DSCAM: variants seen among roughly 807,000 people sequenced by gnomAD.
DSCAM encodes cell adhesion molecule DSCAM.
A neutral mutation model predicts 217.7 loss-of-function variants in DSCAM; 47 were observed. That is an observed-to-expected ratio of 0.22 (90% CI 0.17 to 0.28). DSCAM has a LOEUF of 0.28. Among genes scored for constraint, DSCAM ranks in the 10% least tolerant of loss-of-function variants. DSCAM has a pLI of 1.00. For synonymous variants in DSCAM, 1,056 were observed against 1,015.3 expected, an observed-to-expected ratio of 1.04 and a Z score of -0.76; for missense variants, 2,080 against 2,618.3, an observed-to-expected ratio of 0.79 and a Z score of 4.49.
intron 3 of DSCAM, among the ~76,000 whole-genome samples, chr21:40,440,790 A>T (rs892814510): frequency 4.8e-4 from 72 of 150,460 alleles, no homozygotes; most frequent in Non-Finnish European, 5.2e-4. Flanking sequence ...GGGCTACCCC[A>T]TATGACAGGA....
chr21:40,168,042 CAG>C (rs2090616463), intron 15 of DSCAM, among the ~76,000 whole-genome samples: 1 of 152,170 alleles, frequency 6.6e-6, no homozygotes, highest in East Asian at 1.9e-4. Flanking sequence ...GCCTGGGCGA[CAG>C]AGTGAGACTC....
At chr21:40,490,597 C>T (rs1343611253) in intron 3 of DSCAM, among the ~76,000 whole-genome samples, 1 of 152,174 alleles carries the variant, frequency 6.6e-6, no homozygotes, top group Non-Finnish European at 1.5e-5. Context: ...TGAGAGAGGT[C>T]TGGCTGGAGT....
At chr21:40,109,215 A>C (rs1227734536) in intron 20 of DSCAM, among the ~76,000 whole-genome samples, 1 of 152,248 alleles carries the variant, frequency 6.6e-6, no homozygotes, top group Non-Finnish European at 1.5e-5. Context: ...TAAACAGCTG[A>C]CAGAATGGGA....
At chr21:40,702,983 T>C (rs2090673835) in intron 2 of DSCAM, among the ~76,000 whole-genome samples, 1 of 152,228 alleles carries the variant, frequency 6.6e-6, no homozygotes, top group Non-Finnish European at 1.5e-5. Context: ...TAAGACATTG[T>C]TACTATTTTT....
chr21:40,812,754 G>C (rs751720724), intron 1 of DSCAM, among the ~76,000 whole-genome samples: 7 of 152,204 alleles, frequency 4.6e-5, no homozygotes, highest in African/African-American at 1.4e-4. Flanking sequence ...AGATAGAGGA[G>C]AGCCTTGGTT....
chr21:40,074,936 G>T, intron 27 of DSCAM, 101 bp downstream of exon 27: 1 of 1,268,388 alleles, frequency 7.9e-7, no homozygotes, highest in Non-Finnish European at 1.1e-6. Context: ...AAAGAGGGAA[G>T]AGTCACTCCC....
chr21:40,060,368 T>A (rs1470779634), intron 28 of DSCAM, among the ~76,000 whole-genome samples: 1 of 152,194 alleles, frequency 6.6e-6, no homozygotes, highest in Non-Finnish European at 1.5e-5. Context: ...AAGCAAATCA[T>A]CCTAATTGAG....
At chr21:40,013,826 T>C (rs1032823543) in intron 32 of DSCAM, among the ~76,000 whole-genome samples, 10 of 152,184 alleles carry the variant, frequency 6.6e-5, no homozygotes, top group Non-Finnish European at 1.3e-4. Context: ...GACAGCTGGC[T>C]CTCGTCCTGG....
At chr21:40,684,806 T>G (rs983422760) in intron 3 of DSCAM, among the ~76,000 whole-genome samples, 1 of 152,236 alleles carries the variant, frequency 6.6e-6, no homozygotes, top group African/African-American at 2.4e-5. Context: ...GATCCTGTTA[T>G]TCTCTTGAAT....
chr21:40,023,153 G>A (rs1325324153), intron 32 of DSCAM, among the ~76,000 whole-genome samples: 2 of 151,702 alleles, frequency 1.3e-5, no homozygotes, highest in Admixed American at 6.6e-5. Flanking sequence ...ATAGTTTACT[G>A]AGAATGATGA....
chr21:40,499,159 A>C (rs1389405985), intron 3 of DSCAM, among the ~76,000 whole-genome samples: 1 of 152,172 alleles, frequency 6.6e-6, no homozygotes, highest in Non-Finnish European at 1.5e-5. Flanking sequence ...AAATAAGTGT[A>C]TGAATACTTG....
At chr21:40,579,375 G>A (rs1376766065) in intron 3 of DSCAM, among the ~76,000 whole-genome samples, 1 of 152,126 alleles carries the variant, frequency 6.6e-6, no homozygotes, top group Non-Finnish European at 1.5e-5. Flanking sequence ...ATAACACAGA[G>A]GGGTAGAGGT....
At chr21:40,300,437 G>A (rs1268297865) in intron 9 of DSCAM, among the ~76,000 whole-genome samples, 1 of 152,198 alleles carries the variant, frequency 6.6e-6, no homozygotes, top group East Asian at 1.9e-4. Context: ...CTGGTTATGT[G>A]GGAAAGGGGC....
At chr21:40,769,435 G>T (rs1430371335) in intron 1 of DSCAM, among the ~76,000 whole-genome samples, 1 of 152,112 alleles carries the variant, frequency 6.6e-6, no homozygotes, top group African/African-American at 2.4e-5. Flanking sequence ...GACACAGGTG[G>T]GTGGAGAAGT....
chr21:40,598,355 T>C (rs1239295733), intron 3 of DSCAM, among the ~76,000 whole-genome samples: 2 of 152,230 alleles, frequency 1.3e-5, no homozygotes, highest in Admixed American at 1.3e-4. Flanking sequence ...CGGTTGATTT[T>C]AGTTCGGTTG....
intron 1 of DSCAM, among the ~76,000 whole-genome samples, chr21:40,729,444 T>G (rs2090990636): frequency 6.6e-6 from 1 of 152,204 alleles, no homozygotes; most frequent in East Asian, 1.9e-4. Flanking sequence ...TTGCTGCAGA[T>G]TATTTAAAAT....
At chr21:40,609,395 G>A (rs964330015) in intron 3 of DSCAM, among the ~76,000 whole-genome samples, 2 of 152,166 alleles carry the variant, frequency 1.3e-5, no homozygotes, top group African/African-American at 2.4e-5. Flanking sequence ...AATTTGTACT[G>A]GAGCAAGATA....
intron 3 of DSCAM, among the ~76,000 whole-genome samples, chr21:40,454,702 G>T (rs1452324638): frequency 1.3e-5 from 2 of 152,180 alleles, no homozygotes; most frequent in Non-Finnish European, 2.9e-5. Flanking sequence ...CCACAAGAAG[G>T]TCTCTGCAGT....
intron 3 of DSCAM, among the ~76,000 whole-genome samples, chr21:40,635,934 T>TA (rs1330039806): frequency 6.6e-6 from 1 of 152,144 alleles, no homozygotes; most frequent in East Asian, 1.9e-4. Flanking sequence ...TAAGGCATTT[T>TA]AAAAAACTAA....
Sources: gnomAD v4.1 joint callset for allele counts (sites outside exome capture counted in the v4.1 genomes callset) on GRCh38, gnomAD v4.1.1 for gene constraint, MANE v1.5 for transcripts, NCBI Gene and HGNC (gene_info 2026-07-23, HGNC 2026-07-21) for gene names.